LAX1: variants seen among roughly 807,000 people sequenced by gnomAD.
LAX1 encodes the protein lymphocyte transmembrane adapter 1.
Under a neutral mutation model 20.7 loss-of-function variants are expected in LAX1, and 17 were observed. The observed-to-expected ratio is 0.82, with a 90% confidence interval of 0.56 to 1.23. The LOEUF is 1.23. Ranked by LOEUF, LAX1 falls within the 50% of genes most tolerant of loss-of-function variation. The pLI is 0.00. For synonymous variants in LAX1, 165 were observed against 181.0 expected (o/e 0.91, Z 0.71); for missense variants, 470 against 487.0 (o/e 0.97, Z 0.33).
chr1:203,771,690 G>A (rs369931578), intron 3 of LAX1, among the ~76,000 whole-genome samples: 6 of 152,276 alleles, frequency 3.9e-5, no homozygotes, highest in East Asian at 1.9e-4. Flanking sequence ...TCTGGGCTGG[G>A]AGTTTTGTTT....
chr1:203,768,793 T>C (rs1667346765), intron 1 of LAX1, among the ~76,000 whole-genome samples: 1 of 152,122 alleles, frequency 6.6e-6, no homozygotes, highest in Non-Finnish European at 1.5e-5. Context: ...AAGGAGACCA[T>C]CCAGGAAAGT....
Position 203,772,142 on chromosome 1 carries a change from C to A in LAX1, c.385C>A (p.His129Asn), listed in dbSNP as rs1226177215. The change falls in exon 4 of 5, where the codon CAT becomes AAT. Residue 129 changes from histidine to asparagine, a missense_variant. By Grantham distance (68) the His-to-Asn change is moderately conservative (BLOSUM62 1). Coordinates refer to ENST00000442561, the MANE Select transcript of LAX1 (RefSeq NM_017773.4). ...LLSRNSESPE[H>N]VPSQAGNAFQ... Reference sequence around the variant, plus strand: ...CTCCAGAAATTCTGAGAGCCCGGAGCATGTGGTAAGAGTCAAGCTTCTTGG... The same window carrying A: ...CTCCAGAAATTCTGAGAGCCCGGAGAATGTGGTAAGAGTCAAGCTTCTTGG... The A allele has an allele frequency of 4.3e-6, 7 of 1,612,036 alleles. No homozygotes were observed. Among genetic ancestry groups the A allele is most frequent in the Admixed American group, 1.7e-5 (1 of 59,990 alleles).
Position 203,774,269 on chromosome 1 carries a change from C to T in LAX1, c.785C>T (p.Ser262Phe), listed in dbSNP as rs1348437608. The change falls in exon 5 of 5, where the codon TCT becomes TTT. Residue 262 changes from serine (S) to phenylalanine (F), a missense_variant. Coordinates refer to ENST00000442561, the MANE Select transcript of LAX1 (RefSeq NM_017773.4). ...TCACTCAGCAATGGAGAAGGTTCTT[C>T]TCAGATCTCAAATGACTATGTCAAC... ...SDSLSNGEGS[S>F]QISNDYVNMT... The T allele has an allele frequency of 6.2e-7, 1 of 1,614,164 alleles. No individual in the cohort carries two copies. The highest frequency in any genetic ancestry group is 2.2e-5 in the East Asian group (1 of 44,878).
At position 203,772,109 on chromosome 1, in the gene LAX1, A is replaced by T. The variant is rs931275066; in HGVS notation, c.352A>T (p.Ser118Cys). 4 of 1,614,130 alleles carry T rather than the reference A, an allele frequency of 2.5e-6. No individual in the cohort carries two copies. The South Asian group carries it at 4.4e-5, about 18-fold the overall frequency. ...GAGTATGCGCATTTTCAGTACTGAG[A>T]GCCTCCTCTCCAGAAATTCTGAGAG... ...SRSMRIFSTE[S>C]LLSRNSESPE... is the part of the protein sequence containing the mutation. The change falls in exon 4 of 5, where the codon AGC becomes TGC. Residue 118 changes from serine (S) to cysteine (C), a missense_variant. By Grantham distance (112) the Ser-to-Cys change is moderately radical. Coordinates refer to ENST00000442561, the MANE Select transcript of LAX1 (RefSeq NM_017773.4).
In LAX1 at chr1:203,770,145, C is replaced by T. The variant is rs116647585; in HGVS notation, c.90-683C>T. Among the ~76,000 whole-genome samples, 1,218 of 151,994 alleles carry T rather than the reference C, an allele frequency of 8.0e-3. 15 individuals carry two copies. The highest frequency in any genetic ancestry group is 0.027 in the African/African-American group (1,130 of 41,478). On this transcript the variant is annotated intron_variant, in intron 1 of 4. Coordinates refer to ENST00000442561, the MANE Select transcript of LAX1 (RefSeq NM_017773.4). ...TTAAATAAGTTTCACAGGCCGGGCA[C>T]GGTGGCTCACACCTGTAATTCCAGC...
Position 203,774,565 on chromosome 1 carries a change from C to T in LAX1, c.1081C>T (p.His361Tyr). 1 of 1,614,184 alleles carries T rather than the reference C, an allele frequency of 6.2e-7. No individual in the cohort carries two copies. The highest frequency in any genetic ancestry group is 8.5e-7 in the Non-Finnish European group (1 of 1,180,038). ...ACAGAGTGAGGACAGTCAGATGAAA[C>T]ATAGAGAAGAGATGTCAAATGAGGA... ...FTQSEDSQMK[H>Y]REEMSNEDSS... The change falls in exon 5 of 5, where the codon CAT (histidine) becomes TAT (tyrosine). Residue 361 changes from histidine to tyrosine, a missense_variant. By Grantham distance (83) the His-to-Tyr change is moderately conservative (BLOSUM62 2). Transcript: ENST00000442561.
chr1:203,770,541 G>A, intron 1 of LAX1, among the ~76,000 whole-genome samples: 1 of 140,408 alleles, frequency 7.1e-6, no homozygotes, highest in South Asian at 2.4e-4. Flanking sequence ...AAGAAAGAAA[G>A]AAAGAAAGAA....
At chr1:203,768,094 C>T (rs1419833468) in intron 1 of LAX1, among the ~76,000 whole-genome samples, 1 of 152,038 alleles carries the variant, frequency 6.6e-6, no homozygotes, top group Non-Finnish European at 1.5e-5. Context: ...GCAGATCACC[C>T]AAAGTCAGGA....
rs539712390 is a variant in LAX1, at chr1:203,774,304, T to C, written c.820T>C (p.Leu274=). 1 of 1,614,198 alleles carries C rather than the reference T, an allele frequency of 6.2e-7. No homozygotes were observed. The highest frequency in any genetic ancestry group is 2.2e-5 in the East Asian group (1 of 44,876). The stretch of plus-strand genomic sequence containing the variant: ...AAATGACTATGTCAACATGACAGGG[T>C]TGGATCTCAGTGCCATCCAGGAAAG... ...ISNDYVNMTG[L]DLSAIQERQL... The change falls in exon 5 of 5, where the codon TTG becomes CTG. Residue 274 remains leucine, a synonymous_variant. Transcript: ENST00000442561.
At position 203,774,711 on chromosome 1, in the gene LAX1, T is replaced by C; in HGVS notation, c.*30T>C. The C allele has an allele frequency of 1.9e-6, 3 of 1,583,824 alleles. No individual in the cohort carries two copies. Among genetic ancestry groups the C allele is most frequent in the Non-Finnish European group, 2.6e-6 (3 of 1,158,172 alleles). On this transcript the variant is annotated 3_prime_UTR_variant, in exon 5 of 5. Transcript: ENST00000442561. ...CCAGGTACCCAGCCATAAAGCCACA[T>C]TGAGTAGTCTATCCCATAGGATTGA...
Position 203,774,953 on chromosome 1 carries a change from A to G in LAX1, c.*272A>G. The G allele has an allele frequency of 2.1e-6, 1 of 472,988 alleles. No homozygotes were observed. Among genetic ancestry groups the G allele is most frequent in the Non-Finnish European group, 3.8e-6 (1 of 266,460 alleles). 29.3% of individuals were successfully genotyped at this position (472,988 alleles called of 1,614,324 possible). A position where few individuals can be genotyped will look rare whatever the true frequency, so the allele number is the denominator to read the frequency against. On this transcript the variant is annotated 3_prime_UTR_variant, in exon 5 of 5. Transcript: ENST00000442561. Reference sequence around the variant, plus strand: ...AAACTGCTTCCTAGAACTGTGAAGAAAGCAGGAAAGTAGTGCACAGTAGTC... The same window carrying G: ...AAACTGCTTCCTAGAACTGTGAAGAGAGCAGGAAAGTAGTGCACAGTAGTC...
At chr1:203,770,679 G>A (rs1667406175) in intron 1 of LAX1, 149 bp from the exon 2 acceptor site, 2 of 648,010 alleles carry the variant, frequency 3.1e-6, no homozygotes, top group East Asian at 2.7e-5. Flanking sequence ...AATATTCAGA[G>A]ATAACCCTCT....
chr1:203,772,194 A>G, intron 4 of LAX1, 47 bp downstream of exon 4: 1 of 1,422,858 alleles, frequency 7.0e-7, no homozygotes, highest in East Asian at 2.3e-5. Context: ...TGGCAGAAGA[A>G]CTGCGGGGAA....
intron 1 of LAX1, 151 bp from the exon 2 acceptor site, chr1:203,770,677 G>A (rs957640176): frequency 1.2e-5 from 8 of 644,622 alleles, no homozygotes; most frequent in Admixed American, 1.0e-4. Context: ...TCAATATTCA[G>A]AGATAACCCT....
chr1:203,775,367 C>T lies in LAX1; in HGVS notation c.*686C>T, dbSNP rs970972992. On this transcript the variant is annotated 3_prime_UTR_variant, in exon 5 of 5. Coordinates refer to ENST00000442561, the MANE Select transcript of LAX1 (RefSeq NM_017773.4). Reference sequence around the variant, plus strand: ...CGAGATTGTGCCACTGTACTCCAGCCTGGTGACAGAGCGAGACTCCCTCTC... The same window carrying T: ...CGAGATTGTGCCACTGTACTCCAGCTTGGTGACAGAGCGAGACTCCCTCTC... 7.9e-5 allele frequency: 12 copies of T among 151,502 alleles called. No homozygotes were observed. Among genetic ancestry groups the T allele is most frequent in the African/African-American group, 2.9e-4 (12 of 41,166 alleles). The allele number at this position is 151,502 out of a possible 1,614,324, so 9.4% of individuals were successfully genotyped here. A position where few individuals can be genotyped will look rare whatever the true frequency, so the allele number is the denominator to read the frequency against.
Position 203,771,774 on chromosome 1 carries a change from G to A in LAX1, c.311-294G>A, listed in dbSNP as rs114247210. On this transcript the variant is annotated intron_variant, in intron 3 of 4. Transcript: ENST00000442561. The stretch of plus-strand genomic sequence containing the variant: ...GGGAAGACACCAAGGAAGAGAACTC[G>A]GTGCCAGCATCACAGGCAGAGGATG... Among the ~76,000 whole-genome samples, 652 of 152,248 alleles carry A rather than the reference G, an allele frequency of 4.3e-3. 5 individuals carry two copies. The highest frequency in any genetic ancestry group is 0.015 in the African/African-American group (624 of 41,538).
chr1:203,773,667 C>T (rs553443447), intron 4 of LAX1, among the ~76,000 whole-genome samples: 15 of 149,038 alleles, frequency 1.0e-4, no homozygotes, highest in African/African-American at 3.4e-4. Context: ...ATAATATTTT[C>T]GTCCCACCCG....
chr1:203,770,452 AGAAAGGAAGG>A (rs1558070511), intron 1 of LAX1, among the ~76,000 whole-genome samples: 2 of 27,806 alleles, frequency 7.2e-5, no homozygotes, highest in African/African-American at 2.0e-4. Context: ...AGAGAGAGAG[AGAAAGGAAGG>A]AAGGAAGGAA....
At chr1:203,773,844 C>T in intron 4 of LAX1, 31 bp from the exon 5 acceptor site, 1 of 1,258,650 alleles carries the variant, frequency 7.9e-7, no homozygotes, top group South Asian at 1.3e-5. Context: ...CTGCTTGCAT[C>T]TGACCACTGG....
Sources: gnomAD v4.1 joint callset for allele counts (sites outside exome capture counted in the v4.1 genomes callset) on GRCh38, gnomAD v4.1.1 for gene constraint, MANE v1.5 for transcripts, NCBI Gene and HGNC (gene_info 2026-07-23, HGNC 2026-07-21) for gene names.